The following ZNF804B variants were observed in gnomAD, a reference collection of about 807,000 sequenced individuals.
ZNF804B encodes zinc finger 804B.
Under a neutral mutation model 101.4 loss-of-function variants are expected in ZNF804B, and 80 were observed. That is an observed-to-expected ratio of 0.79 (90% CI 0.66 to 0.95). ZNF804B has a LOEUF of 0.95. Among genes scored for constraint, ZNF804B ranks in the 40% least tolerant of loss-of-function variants. The pLI, the probability that ZNF804B is intolerant of heterozygous loss-of-function variation, is 0.00. For synonymous variants in ZNF804B, 622 were observed against 558.8 expected (o/e 1.11, Z -1.59); for missense variants, 1,673 against 1,561.9 (o/e 1.07, Z -1.20).
chr7:88,984,168 T>C (rs1368838550), intron 1 of ZNF804B, among the ~76,000 whole-genome samples: 1 of 152,082 alleles, frequency 6.6e-6, no homozygotes, highest in Non-Finnish European at 1.5e-5. Context: ...CACAGAGATA[T>C]GTGGATGCTC....
At chr7:88,839,311 T>C (rs1791262293) in intron 1 of ZNF804B, among the ~76,000 whole-genome samples, 1 of 152,084 alleles carries the variant, frequency 6.6e-6, no homozygotes, top group South Asian at 2.1e-4. Context: ...CTAAGTGCTT[T>C]ATATACCTTT....
At chr7:89,298,587 A>C (rs1178525063) in intron 2 of ZNF804B, among the ~76,000 whole-genome samples, 1 of 151,784 alleles carries the variant, frequency 6.6e-6, no homozygotes, top group Non-Finnish European at 1.5e-5. Context: ...TCTGTTGTTC[A>C]TACCTTGTAT....
At chr7:89,214,675 G>A (rs562575962) in intron 1 of ZNF804B, among the ~76,000 whole-genome samples, 1 of 152,104 alleles carries the variant, frequency 6.6e-6, no homozygotes, top group Non-Finnish European at 1.5e-5. Context: ...GTCTGATCTA[G>A]GTAACCCTTA....
At chr7:88,926,154 A>C (rs979216447) in intron 1 of ZNF804B, among the ~76,000 whole-genome samples, 1 of 152,178 alleles carries the variant, frequency 6.6e-6, no homozygotes, top group Non-Finnish European at 1.5e-5. Context: ...TGCATTCTGG[A>C]TGTTAAGCTG....
rs150582939 is a variant in ZNF804B at position 88,966,626 on chromosome 7, T to G, written c.108+206542T>G. On this transcript the variant is annotated intron_variant, in intron 1 of 3. Transcript: ENST00000333190. ...GAATAAATAAGAGAAGATGAGTTAT[T>G]TATTTTCCTTGCTGTCCTTCTAAAC... Among the ~76,000 whole-genome samples the G allele has an allele frequency of 1.1e-3, 166 of 151,670 alleles. 1 individual carries two copies. The highest frequency in any genetic ancestry group is 0.01 in the Middle Eastern group (3 of 294).
intron 1 of ZNF804B, among the ~76,000 whole-genome samples, chr7:88,761,505 C>T (rs1264961465): frequency 1.3e-5 from 2 of 152,194 alleles, no homozygotes; most frequent in Non-Finnish European, 2.9e-5. Context: ...CCTGCAGTCT[C>T]AGCAAACCAC....
chr7:89,255,518 A>G (rs1366408910), intron 2 of ZNF804B, among the ~76,000 whole-genome samples: 1 of 152,228 alleles, frequency 6.6e-6, no homozygotes, highest in Non-Finnish European at 1.5e-5. Context: ...GTGGGAAAAG[A>G]GAGCCCATTT....
chr7:88,832,817 A>G (rs1274856192), intron 1 of ZNF804B, among the ~76,000 whole-genome samples: 3 of 151,950 alleles, frequency 2.0e-5, no homozygotes, highest in Non-Finnish European at 2.9e-5. Flanking sequence ...AGCAAAACAA[A>G]ACAATACTGG....
intron 1 of ZNF804B, among the ~76,000 whole-genome samples, chr7:89,192,548 G>A (rs1053338307): frequency 2.0e-5 from 3 of 151,802 alleles, no homozygotes; most frequent in African/African-American, 7.3e-5. Flanking sequence ...GTAACCTATA[G>A]CGACTTATTG....
intron 1 of ZNF804B, among the ~76,000 whole-genome samples, chr7:88,803,124 A>G (rs1790615176): frequency 2.0e-5 from 3 of 151,922 alleles, no homozygotes; most frequent in Non-Finnish European, 2.9e-5. Context: ...GTATTTTCCA[A>G]TTTTTTCAAG....
At chr7:88,813,199 G>A (rs994087726) in intron 1 of ZNF804B, among the ~76,000 whole-genome samples, 3 of 151,894 alleles carry the variant, frequency 2.0e-5, no homozygotes, top group Admixed American at 1.3e-4. Flanking sequence ...ATGCTTAGGC[G>A]GTTGGATCAT....
At chr7:88,961,949 A>C (rs1443885451) in intron 1 of ZNF804B, among the ~76,000 whole-genome samples, 1 of 151,324 alleles carries the variant, frequency 6.6e-6, no homozygotes, top group Non-Finnish European at 1.5e-5. Context: ...TTTTAAATAG[A>C]GGCTCCTTTT....
chr7:89,056,077 C>A (rs1789290304), intron 1 of ZNF804B, among the ~76,000 whole-genome samples: 1 of 152,060 alleles, frequency 6.6e-6, no homozygotes, highest in African/African-American at 2.4e-5. Context: ...AGATGCAAGA[C>A]AAGGTTAGAG....
chr7:89,116,936 C>G (rs962688971), intron 1 of ZNF804B, among the ~76,000 whole-genome samples: 1 of 152,052 alleles, frequency 6.6e-6, no homozygotes, highest in African/African-American at 2.4e-5. Context: ...AGATGTTATC[C>G]TGATTATCTG....
intron 1 of ZNF804B, among the ~76,000 whole-genome samples, chr7:89,142,042 C>A (rs1481820916): frequency 6.6e-6 from 1 of 151,426 alleles, no homozygotes; most frequent in Non-Finnish European, 1.5e-5. Context: ...ATCTTTTTTA[C>A]ATTATTAATG....
At chr7:88,927,111 G>A (rs1792816202) in intron 1 of ZNF804B, among the ~76,000 whole-genome samples, 1 of 152,104 alleles carries the variant, frequency 6.6e-6, no homozygotes, top group South Asian at 2.1e-4. Context: ...TATGAAAGCA[G>A]TGCCAAAATT....
At chr7:88,875,344 C>T (rs1206951304) in intron 1 of ZNF804B, among the ~76,000 whole-genome samples, 1 of 151,910 alleles carries the variant, frequency 6.6e-6, no homozygotes, top group Non-Finnish European at 1.5e-5. Flanking sequence ...ACACAAAAAA[C>T]CCTTCAAAAA....
At position 89,285,936 on chromosome 7, in the gene ZNF804B, C is replaced by A. The variant is rs575328295; in HGVS notation, c.250-41408C>A. ...CCCTCTTCTTCTTCCTTCTCCTCAG[C>A]CTACTCAATATGGGCACAATGAGGA... On this transcript the variant is annotated intron_variant, in intron 2 of 3. Transcript: ENST00000333190. Among the ~76,000 whole-genome samples the A allele has an allele frequency of 4.1e-5, 6 of 146,200 alleles. No individual in the cohort carries two copies. The South Asian group carries it at 1.2e-3, about 30-fold the overall frequency.
At chr7:88,908,141 T>G (rs2115968679) in intron 1 of ZNF804B, among the ~76,000 whole-genome samples, 1 of 151,996 alleles carries the variant, frequency 6.6e-6, no homozygotes, top group South Asian at 2.1e-4. Context: ...ACTTATATTC[T>G]TGATCTCTAA....
Sources: allele counts gnomAD v4.1 joint callset (sites outside exome capture counted in the v4.1 genomes callset), GRCh38; gene constraint gnomAD v4.1.1; transcripts MANE v1.5; gene names NCBI Gene and HGNC (gene_info 2026-07-23, HGNC 2026-07-21).